Variants in EPHA5 observed in about 807,000 individuals in gnomAD.
EPHA5 encodes the protein ephrin type-A receptor 5.
Under a neutral mutation model 105.0 loss-of-function variants are expected in EPHA5, and 60 were observed. The observed-to-expected ratio is 0.57, with a 90% CI of 0.46 to 0.71. The LOEUF is 0.71. EPHA5 is among the 30% of genes least tolerant of loss of function. The probability of loss-of-function intolerance (pLI) is 0.00; values close to 1 mark genes in which losing one functional copy is unlikely to be tolerated. For missense variants in EPHA5, 1,218 were observed against 1,274.7 expected (o/e 0.96, Z 0.68); for synonymous variants, 513 against 449.1 (o/e 1.14, Z -1.80).
At chr4:65,440,048 T>G (rs2149083506) in intron 5 of EPHA5, among the ~76,000 whole-genome samples, 1 of 152,246 alleles carries the variant, frequency 6.6e-6, no homozygotes, top group Non-Finnish European at 1.5e-5. Context: ...TTGACACTAA[T>G]ACTATGTTTT....
At chr4:65,449,896 C>T (rs796885904) in intron 5 of EPHA5, among the ~76,000 whole-genome samples, 3 of 152,024 alleles carry the variant, frequency 2.0e-5, no homozygotes, top group African/African-American at 7.2e-5. Flanking sequence ...TCCTTTAGTA[C>T]TTTCAGAGAG....
chr4:65,569,625 C>T (rs1270023509), intron 3 of EPHA5, among the ~76,000 whole-genome samples: 1 of 151,684 alleles, frequency 6.6e-6, no homozygotes, highest in East Asian at 1.9e-4. Flanking sequence ...TTACTTGAAA[C>T]ATGCATGAAA....
intron 3 of EPHA5, among the ~76,000 whole-genome samples, chr4:65,512,060 A>G (rs1378659143): frequency 1.3e-5 from 2 of 152,188 alleles, no homozygotes; most frequent in Non-Finnish European, 2.9e-5. Context: ...GATAAGTGCT[A>G]TAAGAGGTTT....
intron 3 of EPHA5, chr4:65,574,119 A>C (rs556715330): frequency 1.1e-4 from 180 of 1,609,056 alleles, no homozygotes; most frequent in East Asian, 6.7e-4. Context: ...CTTCAAGAAG[A>C]AGCAGCTGCG....
intron 3 of EPHA5, among the ~76,000 whole-genome samples, chr4:65,593,807 C>T (rs1253363144): frequency 1.3e-5 from 2 of 152,158 alleles, no homozygotes; most frequent in Admixed American, 6.5e-5. Context: ...TAATCTGCTA[C>T]GCACACAAAT....
intron 5 of EPHA5, among the ~76,000 whole-genome samples, chr4:65,423,399 T>A (rs762710633): frequency 6.7e-4 from 102 of 151,982 alleles, no homozygotes; most frequent in Non-Finnish European, 1.3e-3. Context: ...GTAGCCCACA[T>A]TTAAGGAGTG....
intron 14 of EPHA5, among the ~76,000 whole-genome samples, chr4:65,340,353 G>A (rs921027174): frequency 1.3e-5 from 2 of 152,106 alleles, no homozygotes; most frequent in African/African-American, 4.8e-5. Context: ...ACACAGCAAA[G>A]CTCCATTGAA....
chr4:65,597,122 C>T (rs767566776), intron 3 of EPHA5, among the ~76,000 whole-genome samples: 10 of 152,270 alleles, frequency 6.6e-5, no homozygotes, highest in South Asian at 2.1e-4. Flanking sequence ...CAGCCCTTGA[C>T]GTGTAACCCT....
At position 65,323,543 on chromosome 4, in the gene EPHA5, A is replaced by C. The variant is rs1343510412; in HGVS notation, c.*571T>G. 1 of 230,004 alleles carries C rather than the reference A, an allele frequency of 4.3e-6. No homozygotes were observed. Among genetic ancestry groups the C allele is most frequent in the East Asian group, 6.1e-5 (1 of 16,294 alleles). The allele number at this position is 230,004 out of a possible 1,614,324, so 14.2% of individuals were successfully genotyped here. A position where few individuals can be genotyped will look rare whatever the true frequency, so the allele number is the denominator to read the frequency against. ...CCCTGTATTGTACTTTTTCTTGATC[A>C]AGCAACATGTTTACACACTAGTTTC... is the stretch of plus-strand genomic sequence containing the variant. On this transcript the variant is annotated 3_prime_UTR_variant, in exon 17 of 17. Transcript: ENST00000613740.
At chr4:65,627,949 T>C (rs1746301274) in intron 2 of EPHA5, among the ~76,000 whole-genome samples, 1 of 152,154 alleles carries the variant, frequency 6.6e-6, no homozygotes, top group African/African-American at 2.4e-5. Context: ...TTAACTGTCC[T>C]TTTTTAATAG....
chr4:65,467,174 A>G (rs1332833652), intron 5 of EPHA5, among the ~76,000 whole-genome samples: 2 of 152,230 alleles, frequency 1.3e-5, no homozygotes, highest in Non-Finnish European at 2.9e-5. Flanking sequence ...TCTACTCAGC[A>G]GAATGAGCAA....
chr4:65,570,560 G>A (rs1324461304), intron 3 of EPHA5, among the ~76,000 whole-genome samples: 1 of 151,022 alleles, frequency 6.6e-6, no homozygotes, highest in African/African-American at 2.4e-5. Flanking sequence ...TTCCAGAATA[G>A]CCCTAATCAG....
At chr4:65,501,602 A>G (rs1046537882) in intron 3 of EPHA5, among the ~76,000 whole-genome samples, 2 of 151,854 alleles carry the variant, frequency 1.3e-5, no homozygotes, top group African/African-American at 4.8e-5. Flanking sequence ...AAGAAATCGT[A>G]GGTGACACAA....
intron 8 of EPHA5, among the ~76,000 whole-genome samples, chr4:65,399,419 GC>G (rs2148976852): frequency 6.6e-6 from 1 of 152,322 alleles, no homozygotes; most frequent in Non-Finnish European, 1.5e-5. Context: ...AGTGCAGCCT[GC>G]CAGGGCGAGT....
intron 3 of EPHA5, among the ~76,000 whole-genome samples, chr4:65,542,586 T>C (rs1404357256): frequency 6.6e-6 from 1 of 151,904 alleles, no homozygotes; most frequent in Non-Finnish European, 1.5e-5. Flanking sequence ...ATAAGTAGTC[T>C]ACCAACCAAA....
chr4:65,363,607 C>A (rs905617748), intron 11 of EPHA5, among the ~76,000 whole-genome samples: 3 of 151,360 alleles, frequency 2.0e-5, no homozygotes, highest in African/African-American at 7.3e-5. Flanking sequence ...AATTTGGTAG[C>A]CATGTGAATA....
At chr4:65,385,467 T>C (rs1229274805) in intron 8 of EPHA5, among the ~76,000 whole-genome samples, 1 of 151,928 alleles carries the variant, frequency 6.6e-6, no homozygotes, top group Non-Finnish European at 1.5e-5. Context: ...AAACATATTA[T>C]GATAATTGAA....
chr4:65,438,491 G>A (rs561244488), intron 5 of EPHA5, among the ~76,000 whole-genome samples: 1 of 151,748 alleles, frequency 6.6e-6, no homozygotes, highest in Non-Finnish European at 1.5e-5. Flanking sequence ...TCTTTGAAAG[G>A]CCTCCCCACA....
chr4:65,553,707 C>T (rs1046761539), intron 3 of EPHA5, among the ~76,000 whole-genome samples: 9 of 151,968 alleles, frequency 5.9e-5, no homozygotes, highest in Non-Finnish European at 1.3e-4. Context: ...GGGCCATCTC[C>T]CTTAATCTCT....
Sources: allele counts gnomAD v4.1 joint callset (sites outside exome capture counted in the v4.1 genomes callset), GRCh38; gene constraint gnomAD v4.1.1; transcripts MANE v1.5; gene names NCBI Gene and HGNC (gene_info 2026-07-23, HGNC 2026-07-21).